Variants in SSX2IP observed in about 807,000 individuals in gnomAD.
The protein encoded by SSX2IP is SSX family member 2 interacting protein.
A neutral mutation model predicts 84.9 loss-of-function variants in SSX2IP; 55 were observed. The observed-to-expected ratio is 0.65, with a 90% CI of 0.52 to 0.81. The LOEUF (loss-of-function observed/expected upper bound fraction) is 0.81. Among genes scored for constraint, SSX2IP ranks in the 30% least tolerant of loss-of-function variants. SSX2IP has a pLI of 0.00. For missense variants in SSX2IP, 664 were observed against 705.2 expected (o/e 0.94, Z 0.66); for synonymous variants, 239 against 234.7 (o/e 1.02, Z -0.17).
At chr1:84,657,883 G>C (rs1651358325) in intron 9 of SSX2IP, among the ~76,000 whole-genome samples, 1 of 152,122 alleles carries the variant, frequency 6.6e-6, no homozygotes, top group Non-Finnish European at 1.5e-5. Context: ...GTGTAATCCA[G>C]ACACTCTGGG....
intron 1 of SSX2IP, among the ~76,000 whole-genome samples, chr1:84,677,078 T>C (rs1205345115): frequency 6.6e-6 from 1 of 152,176 alleles, no homozygotes; most frequent in Non-Finnish European, 1.5e-5. Context: ...TAAATCTCTA[T>C]CGTGCATGCA....
intron 12 of SSX2IP, among the ~76,000 whole-genome samples, chr1:84,650,805 C>T (rs530091843): frequency 1.1e-4 from 17 of 152,068 alleles, no homozygotes; most frequent in East Asian, 7.8e-4. Flanking sequence ...CCTGGGTTCA[C>T]GCCATTCTCC....
chr1:84,655,447 A>G (rs1488060524), intron 11 of SSX2IP: 38 of 1,292,512 alleles, frequency 2.9e-5, no homozygotes, highest in Non-Finnish European at 3.8e-5. Flanking sequence ...AGAGAACTTA[A>G]TTTTTTATTA....
intron 5 of SSX2IP, among the ~76,000 whole-genome samples, chr1:84,665,644 T>C (rs1441044107): frequency 6.6e-6 from 1 of 152,212 alleles, no homozygotes; most frequent in Non-Finnish European, 1.5e-5. Flanking sequence ...ATCAGAATTG[T>C]ATCTTTTGTG....
chr1:84,688,579 A>T (rs1180362554), intron 1 of SSX2IP, among the ~76,000 whole-genome samples: 4 of 152,230 alleles, frequency 2.6e-5, no homozygotes, highest in Non-Finnish European at 5.9e-5. Flanking sequence ...TGCTTTGGCC[A>T]AAAAGCAGAC....
At chr1:84,678,240 T>C (rs1654637417) in intron 1 of SSX2IP, among the ~76,000 whole-genome samples, 1 of 152,224 alleles carries the variant, frequency 6.6e-6, no homozygotes, top group South Asian at 2.1e-4. Flanking sequence ...GCAGGGAATG[T>C]CTGCATCTTT....
chr1:84,652,820 T>A (rs979388544), intron 11 of SSX2IP, among the ~76,000 whole-genome samples: 2 of 151,810 alleles, frequency 1.3e-5, no homozygotes, highest in African/African-American at 4.8e-5. Context: ...GGTCAGGAGA[T>A]CGAGACCATC....
Position 84,646,872 on chromosome 1 carries a change from T to C in SSX2IP, c.*561A>G, listed in dbSNP as rs1306228699. 1.3e-5 allele frequency: 2 copies of C among 152,586 alleles called. No individual in the cohort carries two copies. Among genetic ancestry groups the C allele is most frequent in the Non-Finnish European group, 2.9e-5 (2 of 67,990 alleles). The allele number at this position is 152,586 out of a possible 1,614,324, so 9.5% of individuals were successfully genotyped here. On this transcript the variant is annotated 3_prime_UTR_variant, in exon 14 of 14. Transcript: ENST00000342203. Reference sequence around the variant, plus strand: ...CTAAAAAAATTTTACTGGCATGAAATACTATACTTATGGTTGTGTGAAACT... The same window carrying C: ...CTAAAAAAATTTTACTGGCATGAAACACTATACTTATGGTTGTGTGAAACT...
chr1:84,670,016 T>C, intron 3 of SSX2IP, 123 bp from the exon 4 acceptor site: 1 of 660,146 alleles, frequency 1.5e-6, no homozygotes, highest in East Asian at 2.8e-5. Context: ...CACGGTGACC[T>C]CAGCTAATAA....
rs554603014 is a variant in SSX2IP at position 84,648,740 on chromosome 1, T to C, written c.1671-1133A>G. ...GTTCTGACTGGTCAAATTTAGAAGTTTGAATAACATTCTATGTAAGAAAAT... is the reference window on the plus strand; with the variant it reads ...GTTCTGACTGGTCAAATTTAGAAGTCTGAATAACATTCTATGTAAGAAAAT... On this transcript the variant is annotated intron_variant, in intron 13 of 13. Coordinates refer to ENST00000342203, the MANE Select transcript of SSX2IP (RefSeq NM_001166293.2). Among the ~76,000 whole-genome samples the C allele has an allele frequency of 5.9e-5, 9 of 152,368 alleles. No homozygotes were observed. In the East Asian group the frequency reaches 9.6e-4, roughly 16 times the overall value.
In SSX2IP at chr1:84,671,286, T is replaced by C; in HGVS notation, c.-67A>G. On this transcript the variant is annotated 5_prime_UTR_variant, in exon 2 of 14. Transcript: ENST00000342203. ...AGTTAAACATTTAGTCTAGCTGCTG[T>C]CACTCTTCTATGTAGGCATCTCCTT... 1 of 1,592,170 alleles carries C rather than the reference T, an allele frequency of 6.3e-7. No individual in the cohort carries two copies. The highest frequency in any genetic ancestry group is 1.2e-5 in the South Asian group (1 of 86,382).
intron 13 of SSX2IP, 56 bp downstream of exon 13, chr1:84,650,306 A>G: frequency 1.3e-6 from 2 of 1,564,850 alleles, no homozygotes; most frequent in Non-Finnish European, 1.8e-6. Flanking sequence ...TTCCCTTAGC[A>G]GTGCAACTTT....
chr1:84,675,870 T>A (rs1469450604), intron 1 of SSX2IP, among the ~76,000 whole-genome samples: 1 of 152,166 alleles, frequency 6.6e-6, no homozygotes, highest in Non-Finnish European at 1.5e-5. Flanking sequence ...TGGAAGCCCC[T>A]GCCCCCCTTT....
At chr1:84,663,040 G>C (rs1391629551) in intron 6 of SSX2IP, among the ~76,000 whole-genome samples, 1 of 152,022 alleles carries the variant, frequency 6.6e-6, no homozygotes, top group Non-Finnish European at 1.5e-5. Context: ...CAACAAATAA[G>C]TTGTAGATCC....
intron 1 of SSX2IP, among the ~76,000 whole-genome samples, chr1:84,684,841 TTCAGAAG>T (rs1450632449): frequency 6.6e-6 from 1 of 151,990 alleles, no homozygotes; most frequent in African/African-American, 2.4e-5. Context: ...TGAAAAAATT[TTCAGAAG>T]ATAGGGCATG....
intron 1 of SSX2IP, among the ~76,000 whole-genome samples, chr1:84,677,842 G>A (rs906360445): frequency 6.6e-6 from 1 of 152,156 alleles, no homozygotes; most frequent in Non-Finnish European, 1.5e-5. Context: ...CAAACCCTGA[G>A]ATGACTGCAG....
intron 5 of SSX2IP, among the ~76,000 whole-genome samples, chr1:84,665,013 G>C (rs1004759689): frequency 6.6e-6 from 1 of 152,086 alleles, no homozygotes; most frequent in Non-Finnish European, 1.5e-5. Context: ...CAATTCTCGA[G>C]TAAGAGTAAG....
intron 13 of SSX2IP, chr1:84,649,719 T>C (rs1557461248): frequency 3.2e-6 from 1 of 317,064 alleles, no homozygotes; most frequent in Non-Finnish European, 6.2e-6. Flanking sequence ...ATGTTCTACC[T>C]GCTTCCTCTT....
At position 84,655,986 on chromosome 1, in the gene SSX2IP, T is replaced by C. The variant is rs2102244537; in HGVS notation, c.1235A>G (p.Tyr412Cys). 2 of 1,612,634 alleles carry C rather than the reference T, an allele frequency of 1.2e-6. No individual in the cohort carries two copies. The highest frequency in any genetic ancestry group is 1.3e-5 in the African/African-American group (1 of 74,964). The change falls in exon 11 of 14, where the codon TAT (tyrosine) becomes TGT (cysteine). Residue 412 changes from tyrosine to cysteine, a missense_variant. Physicochemically the swap from Tyr to Cys is radical, Grantham distance 194 (BLOSUM62 -2). Coordinates refer to ENST00000342203, the MANE Select transcript of SSX2IP (RefSeq NM_001166293.2). ...TAATAGTGAAGTGGTATCATCATCA[T>C]ATGCAGTAGCGAGCTGCTGCTATTA... ...QLLQQQLATAYDDDTTSLLRD... is the reference protein window; with the variant it reads ...QLLQQQLATACDDDTTSLLRD...
Sources: gnomAD v4.1 joint callset for allele counts (sites outside exome capture counted in the v4.1 genomes callset) on GRCh38, gnomAD v4.1.1 for gene constraint, MANE v1.5 for transcripts, NCBI Gene and HGNC (gene_info 2026-07-23, HGNC 2026-07-21) for gene names.